The following BNC2 variants were observed in gnomAD, a reference collection of about 807,000 sequenced individuals.
The protein encoded by BNC2 is zinc finger protein basonuclin-2.
In BNC2, 20 loss-of-function variants were observed where a neutral mutation model predicts 76.3. The observed-to-expected ratio is 0.26, with a 90% CI of 0.18 to 0.38. The LOEUF (loss-of-function observed/expected upper bound fraction) is 0.38, where lower values mean the gene tolerates loss of function less well. Among genes scored for constraint, BNC2 ranks in the 10% least tolerant of loss-of-function variants. The probability of loss-of-function intolerance (pLI) is 1.00; values close to 1 mark genes in which losing one functional copy is unlikely to be tolerated. For synonymous variants in BNC2, 582 were observed against 514.8 expected, an observed-to-expected ratio of 1.13 and a Z score of -1.77; for missense variants, 1,382 against 1,399.8, an observed-to-expected ratio of 0.99 and a Z score of 0.20.
chr9:16,656,519 C>A (rs530562750), intron 3 of BNC2, among the ~76,000 whole-genome samples: 21 of 152,236 alleles, frequency 1.4e-4, no homozygotes, highest in Admixed American at 9.8e-4. Context: ...TGAGGTATAA[C>A]TGGTATACAA....
At chr9:16,838,807 T>C (rs1818763269) in intron 1 of BNC2, among the ~76,000 whole-genome samples, 1 of 152,234 alleles carries the variant, frequency 6.6e-6, no homozygotes, top group South Asian at 2.1e-4. Flanking sequence ...GTACTTATTG[T>C]ATGCGTGGCT....
At chr9:16,658,247 T>A (rs919928112) in intron 3 of BNC2, among the ~76,000 whole-genome samples, 3 of 149,218 alleles carry the variant, frequency 2.0e-5, no homozygotes, top group African/African-American at 7.4e-5. Flanking sequence ...ATGTGTGCCA[T>A]TAAGTGTTTT....
chr9:16,610,903 CT>C (rs756840386), intron 3 of BNC2, among the ~76,000 whole-genome samples: 1 of 152,142 alleles, frequency 6.6e-6, no homozygotes, highest in Non-Finnish European at 1.5e-5. Flanking sequence ...GTCACTTAGG[CT>C]GCCACTGCTG....
rs139580008 is a variant in BNC2 at position 16,851,669 on chromosome 9, A to G, written c.3+18977T>C. Among the ~76,000 whole-genome samples the G allele has an allele frequency of 5.0e-3, 769 of 152,350 alleles. 8 individuals are homozygous for G. The highest frequency in any genetic ancestry group is 0.015 in the African/African-American group (617 of 41,582). On this transcript the variant is annotated intron_variant, in intron 1 of 6. Coordinates refer to ENST00000380672, the MANE Select transcript of BNC2 (RefSeq NM_017637.6). ...TATGGTATGCAAATTATTTCTCAAT[A>G]AAACTGTTTTTAAAAACTTAAGTCA...
intron 1 of BNC2, among the ~76,000 whole-genome samples, chr9:16,814,532 A>G (rs1818135209): frequency 6.6e-6 from 1 of 152,220 alleles, no homozygotes; most frequent in Non-Finnish European, 1.5e-5. Context: ...TTGTATTTAT[A>G]TATTCAGAAA....
intron 5 of BNC2, among the ~76,000 whole-genome samples, chr9:16,546,131 T>C (rs1051779567): frequency 6.6e-6 from 1 of 152,230 alleles, no homozygotes; most frequent in African/African-American, 2.4e-5. Flanking sequence ...TACTCAGAGT[T>C]AACTTTACAC....
At chr9:16,688,874 T>C (rs1823059202) in intron 3 of BNC2, among the ~76,000 whole-genome samples, 1 of 152,054 alleles carries the variant, frequency 6.6e-6, no homozygotes, top group African/African-American at 2.4e-5. Flanking sequence ...TGAGTACATA[T>C]CTACTCTCCT....
At chr9:16,582,650 T>C (rs1043146289) in intron 4 of BNC2, among the ~76,000 whole-genome samples, 27 of 152,178 alleles carry the variant, frequency 1.8e-4, no homozygotes, top group African/African-American at 6.5e-4. Flanking sequence ...GTCCAGGCCC[T>C]GAAAGGCCAA....
At chr9:16,478,188 G>C (rs1223523270) in intron 5 of BNC2, among the ~76,000 whole-genome samples, 1 of 152,094 alleles carries the variant, frequency 6.6e-6, no homozygotes, top group Non-Finnish European at 1.5e-5. Context: ...AAAGCAATAT[G>C]CTTCCTGGTC....
At chr9:16,453,367 G>A (rs76623864) in intron 5 of BNC2, among the ~76,000 whole-genome samples, 3,044 of 152,212 alleles carry the variant, frequency 0.02, 104 homozygotes, top group African/African-American at 0.069. Context: ...AGGCACTCCT[G>A]CCTGCTCACA....
intron 3 of BNC2, among the ~76,000 whole-genome samples, chr9:16,628,247 A>T (rs1335863784): frequency 1.3e-5 from 2 of 152,202 alleles, no homozygotes; most frequent in Admixed American, 1.3e-4. Context: ...ACCACAAGCA[A>T]TATAAGTGTG....
intron 1 of BNC2, among the ~76,000 whole-genome samples, chr9:16,827,904 C>A (rs1818490398): frequency 6.6e-6 from 1 of 152,018 alleles, no homozygotes; most frequent in African/African-American, 2.4e-5. Flanking sequence ...CCCATTCATC[C>A]AAAAAACATT....
chr9:16,467,325 T>C (rs368429428), intron 5 of BNC2, among the ~76,000 whole-genome samples: 2 of 145,056 alleles, frequency 1.4e-5, no homozygotes, highest in Non-Finnish European at 1.5e-5. Context: ...AGCCATCCCA[T>C]TACTGGGTAT....
At chr9:16,677,606 C>CACAG (rs1455196025) in intron 3 of BNC2, among the ~76,000 whole-genome samples, 2 of 151,282 alleles carry the variant, frequency 1.3e-5, no homozygotes, top group African/African-American at 4.9e-5. Context: ...CACACACACA[C>CACAG]AGTAGCAATA....
chr9:16,711,751 G>A (rs973182734), intron 3 of BNC2, among the ~76,000 whole-genome samples: 1 of 152,140 alleles, frequency 6.6e-6, no homozygotes, highest in East Asian at 1.9e-4. Flanking sequence ...AAATGTGCTT[G>A]TCTCACTCAG....
chr9:16,581,134 C>T (rs1451078167), intron 4 of BNC2, among the ~76,000 whole-genome samples: 1 of 152,162 alleles, frequency 6.6e-6, no homozygotes, highest in African/African-American at 2.4e-5. Context: ...AGTCATAACC[C>T]CTACTACCTC....
At chr9:16,439,309 G>C (rs1041036518) in intron 5 of BNC2, among the ~76,000 whole-genome samples, 4 of 152,146 alleles carry the variant, frequency 2.6e-5, no homozygotes, top group Non-Finnish European at 4.4e-5. Context: ...AACCAAAATT[G>C]AGGGGCATTC....
intron 3 of BNC2, among the ~76,000 whole-genome samples, chr9:16,716,007 G>C (rs1204444172): frequency 2.0e-5 from 3 of 152,160 alleles, no homozygotes; most frequent in African/African-American, 7.2e-5. Context: ...TTTTAAAATA[G>C]TAAATCCAGA....
At chr9:16,746,388 G>C (rs901416148) in intron 1 of BNC2, among the ~76,000 whole-genome samples, 1 of 151,936 alleles carries the variant, frequency 6.6e-6, no homozygotes, top group African/African-American at 2.4e-5. Context: ...TTTTGAGACA[G>C]GGTCTTGCTC....
Sources: allele counts gnomAD v4.1 joint callset (sites outside exome capture counted in the v4.1 genomes callset), GRCh38; gene constraint gnomAD v4.1.1; transcripts MANE v1.5; gene names NCBI Gene and HGNC (gene_info 2026-07-23, HGNC 2026-07-21).